DRGX: variants seen among roughly 807,000 people sequenced by gnomAD.
The protein encoded by DRGX is dorsal root ganglia homeobox.
Under a neutral mutation model 28.6 loss-of-function variants are expected in DRGX, and 21 were observed. The ratio of observed to expected loss-of-function variants is 0.73; its 90% confidence interval spans 0.52 to 1.06. The LOEUF (loss-of-function observed/expected upper bound fraction) is 1.06. DRGX is among the 50% of genes least tolerant of loss of function. The pLI, the probability that DRGX is intolerant of heterozygous loss-of-function variation, is 0.00. For missense variants in DRGX, 354 were observed against 343.9 expected, an observed-to-expected ratio of 1.03 and a Z score of -0.23; for synonymous variants, 136 against 139.1, an observed-to-expected ratio of 0.98 and a Z score of 0.16.
intron 6 of DRGX, among the ~76,000 whole-genome samples, chr10:49,381,474 C>T (rs568429896): frequency 6.6e-6 from 1 of 152,368 alleles, no homozygotes; most frequent in South Asian, 2.1e-4. Context: ...GCCCCACAGG[C>T]CCCAGCACCA....
intron 2 of DRGX, among the ~76,000 whole-genome samples, chr10:49,393,392 C>T (rs750748549): frequency 2.6e-5 from 4 of 152,098 alleles, no homozygotes; most frequent in Non-Finnish European, 5.9e-5. Flanking sequence ...AAAAAAATAG[C>T]AGATACTTTT....
intron 2 of DRGX, among the ~76,000 whole-genome samples, chr10:49,394,124 C>T (rs1849940379): frequency 6.6e-6 from 1 of 152,176 alleles, no homozygotes; most frequent in African/African-American, 2.4e-5. Context: ...CCATAAAACC[C>T]ACCCTGCATG....
In DRGX at chr10:49,364,086, T is replaced by C. The variant is rs2132464863; in HGVS notation, c.*2030A>G. On this transcript the variant is annotated 3_prime_UTR_variant, in exon 7 of 7. Coordinates refer to ENST00000374139, the MANE Select transcript of DRGX (RefSeq NM_001276451.2). ...CGGTCTTTGTTTTAACTCCTCTAAA[T>C]TTATTTGGGTATTTAAACAAACAGA... is the stretch of plus-strand genomic sequence containing the variant. 6.6e-6 allele frequency: 1 copy of C among 152,292 alleles called. No homozygotes were observed. The highest frequency in any genetic ancestry group is 1.9e-4 in the East Asian group (1 of 5,188). The allele number at this position is 152,292 out of a possible 1,614,324, so 9.4% of individuals were successfully genotyped here. A position where few individuals can be genotyped will look rare whatever the true frequency, so the allele number is the denominator to read the frequency against.
At chr10:49,376,744 G>A (rs1311195129) in intron 6 of DRGX, among the ~76,000 whole-genome samples, 3 of 152,152 alleles carry the variant, frequency 2.0e-5, no homozygotes, top group African/African-American at 4.8e-5. Context: ...GCATTGCCAG[G>A]CTCCTTCCCG....
At chr10:49,395,763 C>A (rs571304565) in intron 1 of DRGX, among the ~76,000 whole-genome samples, 172 bp downstream of exon 1, 3 of 152,324 alleles carry the variant, frequency 2.0e-5, no homozygotes, top group South Asian at 2.1e-4. Context: ...AACCCCGCAG[C>A]GTAGTTTCTG....
At chr10:49,395,650 G>T in intron 1 of DRGX, 129 bp from the exon 2 acceptor site, 1 of 631,202 alleles carries the variant, frequency 1.6e-6, no homozygotes, top group East Asian at 2.7e-5. Flanking sequence ...CGGGGGACAG[G>T]AGGGAAGGCG....
At chr10:49,373,477 C>T (rs890635298) in intron 6 of DRGX, among the ~76,000 whole-genome samples, 3 of 152,138 alleles carry the variant, frequency 2.0e-5, no homozygotes, top group Non-Finnish European at 4.4e-5. Flanking sequence ...TGTTGAAATC[C>T]TAAACCCCAA....
intron 6 of DRGX, among the ~76,000 whole-genome samples, chr10:49,381,029 C>A (rs192634354): frequency 6.6e-6 from 1 of 152,218 alleles, no homozygotes; most frequent in Non-Finnish European, 1.5e-5. Flanking sequence ...AAGTACAGAG[C>A]GTTTCAGTGA....
At chr10:49,375,225 G>A (rs371715157) in intron 6 of DRGX, among the ~76,000 whole-genome samples, 6 of 152,254 alleles carry the variant, frequency 3.9e-5, no homozygotes, top group African/African-American at 1.2e-4. Flanking sequence ...ACCATGAGCC[G>A]TGTTTGTTTT....
At chr10:49,382,544 G>A (rs941450106) in intron 6 of DRGX, among the ~76,000 whole-genome samples, 2 of 152,186 alleles carry the variant, frequency 1.3e-5, no homozygotes, top group African/African-American at 4.8e-5. Flanking sequence ...AAAAAATTGA[G>A]GTCATTCCTT....
intron 4 of DRGX, among the ~76,000 whole-genome samples, chr10:49,388,304 G>C (rs1032956212): frequency 2.0e-5 from 3 of 152,140 alleles, no homozygotes; most frequent in Non-Finnish European, 2.9e-5. Flanking sequence ...AAAGAAAAAA[G>C]AAATGCTTGG....
intron 2 of DRGX, among the ~76,000 whole-genome samples, chr10:49,392,243 A>G (rs988289474): frequency 4.6e-5 from 7 of 152,352 alleles, no homozygotes; most frequent in South Asian, 4.1e-4. Flanking sequence ...CTGGAGCTAC[A>G]CTGTCCCAGA....
At chr10:49,381,841 A>G (rs914975132) in intron 6 of DRGX, among the ~76,000 whole-genome samples, 2 of 152,188 alleles carry the variant, frequency 1.3e-5, no homozygotes, top group Admixed American at 1.3e-4. Flanking sequence ...GATGTTTGCT[A>G]TCTTTGGTCC....
chr10:49,388,795 G>C (rs1296026111), intron 4 of DRGX, among the ~76,000 whole-genome samples: 1 of 150,440 alleles, frequency 6.6e-6, no homozygotes, highest in African/African-American at 2.4e-5. Flanking sequence ...ATTTGAATGA[G>C]CAAGGGGTAT....
chr10:49,391,117 G>A (rs747592503), intron 3 of DRGX, 47 bp downstream of exon 3: 1 of 1,577,390 alleles, frequency 6.3e-7, no homozygotes, highest in South Asian at 1.1e-5. Context: ...TTGATTTGGG[G>A]GAGGTAGGAA....
intron 6 of DRGX, among the ~76,000 whole-genome samples, chr10:49,372,507 C>A (rs1849671244): frequency 6.6e-6 from 1 of 152,312 alleles, no homozygotes; most frequent in African/African-American, 2.4e-5. Flanking sequence ...GGGGATAAAT[C>A]CTATAAAGCA....
At position 49,382,319 on chromosome 10, in the gene DRGX, T is replaced by A. The variant is rs373791217; in HGVS notation, c.526+4159A>T. On this transcript the variant is annotated intron_variant, in intron 6 of 6. Transcript: ENST00000374139. Reference sequence around the variant, plus strand: ...CTTCCCCTCCCCAAGCCTCGGTTTCTCATTTATAAAAAGAGCTCAGTCAGG... The same window carrying A: ...CTTCCCCTCCCCAAGCCTCGGTTTCACATTTATAAAAAGAGCTCAGTCAGG... Among the ~76,000 whole-genome samples the A allele has an allele frequency of 2.0e-5, 3 of 152,298 alleles. No homozygotes were observed. The South Asian group carries it at 6.2e-4, about 32-fold the overall frequency.
intron 6 of DRGX, among the ~76,000 whole-genome samples, chr10:49,376,071 G>T (rs1849712958): frequency 6.6e-6 from 1 of 152,170 alleles, no homozygotes; most frequent in South Asian, 2.1e-4. Flanking sequence ...AATCAATACA[G>T]GGTGTAGGGG....
chr10:49,376,946 C>A (rs764907939), intron 6 of DRGX, among the ~76,000 whole-genome samples: 2 of 152,212 alleles, frequency 1.3e-5, no homozygotes, highest in African/African-American at 4.8e-5. Context: ...ACCTGTCTGT[C>A]TCTCCAAGCC....
Sources: allele counts gnomAD v4.1 joint callset (sites outside exome capture counted in the v4.1 genomes callset), GRCh38; gene constraint gnomAD v4.1.1; transcripts MANE v1.5; gene names NCBI Gene and HGNC (gene_info 2026-07-23, HGNC 2026-07-21).